PARD3: variants seen among roughly 807,000 people sequenced by gnomAD.
PARD3 encodes partitioning defective 3 homolog.
A neutral mutation model predicts 155.4 loss-of-function variants in PARD3; 75 were observed. The ratio of observed to expected loss-of-function variants is 0.48; its 90% CI spans 0.40 to 0.58. The LOEUF (loss-of-function observed/expected upper bound fraction) is 0.58, where lower values mean the gene tolerates loss of function less well. Among genes scored for constraint, PARD3 ranks in the 20% least tolerant of loss-of-function variants. PARD3 has a pLI of 0.00. For synonymous variants in PARD3, 576 were observed against 610.5 expected, an observed-to-expected ratio of 0.94 and a Z score of 0.83; for missense variants, 1,642 against 1,721.7, an observed-to-expected ratio of 0.95 and a Z score of 0.82.
Position 34,347,999 on chromosome 10 carries a change from C to G in PARD3, c.2184G>C (p.Ser728=). The G allele has an allele frequency of 6.2e-7, 1 of 1,613,234 alleles. No homozygotes were observed. The highest frequency in any genetic ancestry group is 8.5e-7 in the Non-Finnish European group (1 of 1,179,590). ...LYSGIEGLDE[S]PSRNAALSRI... is the part of the protein sequence containing the mutation. ...TACTGAGGGCAGCATTTCTGCTGGG[C>G]GATTCATCAAGCCCCTCAATCCCAC... The change falls in exon 15 of 25, where the codon TCG becomes TCC. Residue 728 remains serine, a synonymous_variant. Transcript: ENST00000374788.
At chr10:34,735,925 C>G (rs1476298833) in intron 1 of PARD3, among the ~76,000 whole-genome samples, 1 of 152,202 alleles carries the variant, frequency 6.6e-6, no homozygotes, top group Non-Finnish European at 1.5e-5. Context: ...GAGTCTCACT[C>G]TGTTGCCCAG....
chr10:34,111,083 G>GAGGTTTT lies in PARD3; in HGVS notation c.*79_*85dup. On this transcript the variant is annotated 3_prime_UTR_variant, in exon 25 of 25. Coordinates refer to ENST00000374788, the MANE Select transcript of PARD3 (RefSeq NM_001184785.2). ...AACAGAAATACTCCATAGTACCATC[G>GAGGTTTT]AGGTTTTAAAAAAACTCCCAAAATA... The GAGGTTTT allele has an allele frequency of 5.0e-6, 7 of 1,407,770 alleles. No homozygotes were observed. Among genetic ancestry groups the GAGGTTTT allele is most frequent in the Non-Finnish European group, 6.7e-6 (7 of 1,041,982 alleles). 87.2% of individuals were successfully genotyped at this position (1,407,770 alleles called of 1,614,324 possible). A position where few individuals can be genotyped will look rare whatever the true frequency, so the allele number is the denominator to read the frequency against.
At chr10:34,663,431 A>G (rs2093376473) in intron 2 of PARD3, among the ~76,000 whole-genome samples, 1 of 152,114 alleles carries the variant, frequency 6.6e-6, no homozygotes, top group East Asian at 1.9e-4. Flanking sequence ...GCACCATTGC[A>G]CTCCAGCCTG....
At chr10:34,335,286 T>C (rs1000115428) in intron 18 of PARD3, among the ~76,000 whole-genome samples, 4 of 151,966 alleles carry the variant, frequency 2.6e-5, no homozygotes, top group Admixed American at 6.6e-5. Flanking sequence ...ACAATAATTT[T>C]TACATATATA....
chr10:34,672,849 T>C (rs578044487), intron 2 of PARD3, among the ~76,000 whole-genome samples: 3 of 152,342 alleles, frequency 2.0e-5, no homozygotes, highest in African/African-American at 7.2e-5. Flanking sequence ...CTTAGTAGTA[T>C]GAAGTGGCAA....
intron 3 of PARD3, among the ~76,000 whole-genome samples, chr10:34,475,030 G>C (rs1479834176): frequency 6.6e-6 from 1 of 152,114 alleles, no homozygotes; most frequent in Non-Finnish European, 1.5e-5. Context: ...ATGCCTGCAA[G>C]GAAACAAACT....
chr10:34,717,532 C>T (rs2094538619), intron 1 of PARD3, among the ~76,000 whole-genome samples: 1 of 152,170 alleles, frequency 6.6e-6, no homozygotes, highest in African/African-American at 2.4e-5. Flanking sequence ...CACCATTCAC[C>T]CAGAACAGCT....
intron 1 of PARD3, among the ~76,000 whole-genome samples, chr10:34,773,143 T>C (rs185675074): frequency 6.6e-6 from 1 of 152,308 alleles, no homozygotes; most frequent in East Asian, 1.9e-4. Flanking sequence ...CTCTTTACTT[T>C]GATGAGGAAT....
At chr10:34,515,162 A>C (rs905032210) in intron 3 of PARD3, among the ~76,000 whole-genome samples, 2 of 152,212 alleles carry the variant, frequency 1.3e-5, no homozygotes, top group African/African-American at 4.8e-5. Flanking sequence ...ATAAAAAATC[A>C]ACCAGGGTAA....
chr10:34,353,724 TAAAA>T (rs201785915), intron 14 of PARD3, among the ~76,000 whole-genome samples: 35,678 of 147,716 alleles, frequency 0.24, 4,999 homozygotes, highest in South Asian at 0.44. Flanking sequence ...AATAAATAAA[TAAAA>T]AAATAAATAA....
chr10:34,437,935 A>C (rs954317699), intron 5 of PARD3, among the ~76,000 whole-genome samples: 7 of 152,220 alleles, frequency 4.6e-5, no homozygotes, highest in African/African-American at 1.7e-4. Context: ...TAGAGTTGAC[A>C]ACTATCTTGG....
intron 13 of PARD3, 120 bp downstream of exon 13, chr10:34,359,951 A>C: frequency 1.4e-6 from 1 of 715,908 alleles, no homozygotes. Flanking sequence ...TTAAATGTGA[A>C]TGTGGGTACC....
chr10:34,147,848 A>G (rs1354080248), intron 22 of PARD3, among the ~76,000 whole-genome samples: 1 of 152,150 alleles, frequency 6.6e-6, no homozygotes, highest in Admixed American at 6.5e-5. Flanking sequence ...ATTCAGGGGC[A>G]CATTTCAAAA....
rs560785092 is a variant in PARD3 at position 34,225,914 on chromosome 10, T to C, written c.3419+43743A>G. Among the ~76,000 whole-genome samples the C allele has an allele frequency of 3.9e-5, 6 of 152,288 alleles. No homozygotes were observed. In the East Asian group the frequency reaches 1.2e-3, roughly 29 times the overall value. ...GATTCATCGAAATTAAAAACTTTTATACTTCAAAAGACAACAGTAAGTAAA... is the reference window on the plus strand; with the variant it reads ...GATTCATCGAAATTAAAAACTTTTACACTTCAAAAGACAACAGTAAGTAAA... On this transcript the variant is annotated intron_variant, in intron 22 of 24. Transcript: ENST00000374788.
chr10:34,374,876 G>A lies in PARD3; in HGVS notation c.1666C>T (p.Leu556=). 6.2e-7 allele frequency: 1 copy of A among 1,613,832 alleles called. No individual in the cohort carries two copies. The highest frequency in any genetic ancestry group is 1.1e-5 in the South Asian group (1 of 91,060). ...RQEDAFHPRE[L]NAEPSQMQIP... ...TCATCTACTCTAAATTTACACACCA[G>A]TTCCCTTGGGTGGAAGGCGTCTTCC... The change falls in exon 11 of 25, where the codon CTG becomes TTG. Residue 556 remains leucine (L), a splice_region_variant and synonymous_variant. Transcript: ENST00000374788.
chr10:34,211,787 G>GA (rs778643646), intron 22 of PARD3, among the ~76,000 whole-genome samples: 6 of 149,872 alleles, frequency 4.0e-5, no homozygotes, highest in Non-Finnish European at 7.4e-5. Flanking sequence ...CTCAAAAAAA[G>GA]AAAAAAAAAG....
Position 34,261,847 on chromosome 10 carries a change from C to CAAACAAACAAACAA in PARD3, c.3419+7809_3419+7810insTTGTTTGTTTGTTT, listed in dbSNP as rs1234017943. 1.4e-4 allele frequency among the ~76,000 whole-genome samples: 18 copies of CAAACAAACAAACAA among 131,214 alleles called. 1 individual carries two copies. Among genetic ancestry groups the CAAACAAACAAACAA allele is most frequent in the Admixed American group, 2.2e-4 (3 of 13,428 alleles). 86.1% of individuals were successfully genotyped at this position (131,214 alleles called of 152,430 possible). A position where few individuals can be genotyped will look rare whatever the true frequency, so the allele number is the denominator to read the frequency against. ...AAAGAAACAAACAAACAAACAAACA[C>CAAACAAACAAACAA]ACACACACTGGACAGAATGCAGTTT... On this transcript the variant is annotated intron_variant, in intron 22 of 24. Transcript: ENST00000374788.
intron 1 of PARD3, among the ~76,000 whole-genome samples, chr10:34,758,392 C>A (rs1414652955): frequency 6.6e-6 from 1 of 152,196 alleles, no homozygotes; most frequent in Non-Finnish European, 1.5e-5. Flanking sequence ...CCAAATAACA[C>A]AGCTAGAAAG....
intron 22 of PARD3, among the ~76,000 whole-genome samples, chr10:34,216,840 A>G (rs1358561893): frequency 1.3e-5 from 2 of 152,234 alleles, no homozygotes; most frequent in African/African-American, 4.8e-5. Context: ...GGACATAAAG[A>G]TTAACACTAC....
Sources: allele counts gnomAD v4.1 joint callset (sites outside exome capture counted in the v4.1 genomes callset), GRCh38; gene constraint gnomAD v4.1.1; transcripts MANE v1.5; gene names NCBI Gene and HGNC (gene_info 2026-07-23, HGNC 2026-07-21).